Variants in FUT8 observed in about 807,000 individuals in gnomAD.
FUT8 encodes fucosyltransferase 8.
FUT8 carries 29 observed loss-of-function variants against 71.3 expected under a neutral mutation model. That is an observed-to-expected ratio of 0.41 (90% CI 0.30 to 0.55). The LOEUF is 0.55. Ranked by LOEUF, FUT8 falls within the 20% of genes least tolerant of loss-of-function variation. The probability of loss-of-function intolerance (pLI) is 0.34; values close to 1 mark genes in which losing one functional copy is unlikely to be tolerated. For missense variants in FUT8, 544 were observed against 702.1 expected (o/e 0.77, Z 2.55); for synonymous variants, 254 against 239.3 (o/e 1.06, Z -0.57).
At chr14:65,468,440 T>C (rs1252849167) in intron 2 of FUT8, 3 of 366,676 alleles carry the variant, frequency 8.2e-6, no homozygotes, top group Non-Finnish European at 1.0e-5. Flanking sequence ...CTCTTTTTGC[T>C]TGCATGGTTT....
chr14:65,630,257 T>A (rs550425808), intron 6 of FUT8, among the ~76,000 whole-genome samples: 26 of 152,340 alleles, frequency 1.7e-4, no homozygotes, highest in Middle Eastern at 6.8e-3. Flanking sequence ...TTATTTGTTT[T>A]ATAAATGTTA....
intron 2 of FUT8, among the ~76,000 whole-genome samples, chr14:65,470,276 C>T (rs2066120543): frequency 6.6e-6 from 1 of 152,258 alleles, no homozygotes; most frequent in South Asian, 2.1e-4. Context: ...GGGGGCCTTC[C>T]TGAGCCCCCA....
chr14:65,357,567 C>A, the FUT8 span, among the ~76,000 whole-genome samples: 1 of 152,226 alleles, frequency 6.6e-6, no homozygotes, highest in African/African-American at 2.4e-5. Context: ...ACATCTCCAT[C>A]ATAGGCTTGC....
At chr14:65,682,879 AAGT>A (rs1893101662) in intron 7 of FUT8, among the ~76,000 whole-genome samples, 1 of 152,182 alleles carries the variant, frequency 6.6e-6, no homozygotes, top group Non-Finnish European at 1.5e-5. Context: ...GCTTCAGTGC[AAGT>A]TATTTTTTAA....
At chr14:65,631,462 G>A (rs1446196383) in intron 6 of FUT8, among the ~76,000 whole-genome samples, 2 of 151,804 alleles carry the variant, frequency 1.3e-5, no homozygotes. Flanking sequence ...TTGTGGTTCC[G>A]TATTAGAGAA....
chr14:65,544,739 T>G (rs1884886335), intron 2 of FUT8, among the ~76,000 whole-genome samples: 1 of 152,138 alleles, frequency 6.6e-6, no homozygotes, highest in Non-Finnish European at 1.5e-5. Context: ...TATTGGCTGA[T>G]TTCAGTGAAT....
At chr14:65,469,603 G>T (rs1053651250) in intron 2 of FUT8, among the ~76,000 whole-genome samples, 2 of 152,202 alleles carry the variant, frequency 1.3e-5, no homozygotes, top group African/African-American at 4.8e-5. Context: ...CTGAGTGTTA[G>T]AACAGCTCAG....
chr14:65,742,447 C>T lies in FUT8; in HGVS notation c.*37C>T, dbSNP rs748850158. ...AAGAGATAAACGACCAAACTCAGTT[C>T]GACCAAACTCAGTTCAAACCATTTC... On this transcript the variant is annotated 3_prime_UTR_variant, in exon 11 of 11. Transcript: ENST00000673929. 2.4e-5 allele frequency: 37 copies of T among 1,567,020 alleles called. No homozygotes were observed. Among genetic ancestry groups the T allele is most frequent in the Admixed American group, 1.4e-4 (8 of 55,884 alleles).
At chr14:65,565,874 C>A (rs1425188463) in intron 3 of FUT8, among the ~76,000 whole-genome samples, 1 of 151,416 alleles carries the variant, frequency 6.6e-6, no homozygotes, top group African/African-American at 2.4e-5. Context: ...AAACTGTTTT[C>A]TTTTAATAAG....
At chr14:65,611,193 ACACACGCGCG>A (rs1207280754) in intron 3 of FUT8, among the ~76,000 whole-genome samples, 7 of 3,424 alleles carry the variant, frequency 2.0e-3, no homozygotes, top group African/African-American at 4.2e-3. Flanking sequence ...ATACACACAC[ACACACGCGCG>A]CGCGCGCGCG....
chr14:65,512,515 TA>T (rs1187416296), intron 2 of FUT8, among the ~76,000 whole-genome samples: 5 of 152,190 alleles, frequency 3.3e-5, no homozygotes, highest in Admixed American at 1.3e-4. Context: ...CGTTGTTGAT[TA>T]AAACCATCAT....
chr14:65,630,913 G>A (rs1174199629), intron 6 of FUT8, among the ~76,000 whole-genome samples: 1 of 152,160 alleles, frequency 6.6e-6, no homozygotes, highest in Admixed American at 6.5e-5. Context: ...TACTTTCCCT[G>A]TAAAATTAAA....
intron 2 of FUT8, among the ~76,000 whole-genome samples, chr14:65,501,109 G>A (rs1481740998): frequency 6.6e-6 from 1 of 152,164 alleles, no homozygotes; most frequent in African/African-American, 2.4e-5. Context: ...GCTCAGTTAG[G>A]ATCAGGTCAG....
intron 3 of FUT8, among the ~76,000 whole-genome samples, chr14:65,595,764 A>G (rs1566841666): frequency 6.6e-6 from 1 of 151,038 alleles, no homozygotes; most frequent in Non-Finnish European, 1.5e-5. Flanking sequence ...ACCCGCCACC[A>G]CCCCTGGCTA....
chr14:65,362,825 G>C, the FUT8 span, among the ~76,000 whole-genome samples: 1 of 151,948 alleles, frequency 6.6e-6, no homozygotes, highest in South Asian at 2.1e-4. Flanking sequence ...AGCCGGGCGT[G>C]GTGGTGTGTG....
At chr14:65,686,272 G>A (rs956849616) in intron 7 of FUT8, among the ~76,000 whole-genome samples, 1 of 152,172 alleles carries the variant, frequency 6.6e-6, no homozygotes, top group African/African-American at 2.4e-5. Flanking sequence ...TGCCTCTGGT[G>A]CCTGGAATTG....
chr14:65,437,516 C>G (rs568210883), intron 1 of FUT8, among the ~76,000 whole-genome samples: 1 of 152,198 alleles, frequency 6.6e-6, no homozygotes, highest in South Asian at 2.1e-4. Flanking sequence ...CCATGTCATG[C>G]TTGTGTTAAA....
At chr14:65,563,014 C>T (rs946941003) in intron 3 of FUT8, among the ~76,000 whole-genome samples, 4 of 151,858 alleles carry the variant, frequency 2.6e-5, no homozygotes, top group Non-Finnish European at 5.9e-5. Flanking sequence ...TTATTTGGGT[C>T]CTTTTATGTC....
chr14:65,579,988 A>T (rs1886990334), intron 3 of FUT8, among the ~76,000 whole-genome samples: 1 of 151,860 alleles, frequency 6.6e-6, no homozygotes. Context: ...AGTCATTTCA[A>T]GGTATCTCAA....
Sources: gnomAD v4.1 joint callset for allele counts (sites outside exome capture counted in the v4.1 genomes callset) on GRCh38, gnomAD v4.1.1 for gene constraint, MANE v1.5 for transcripts, NCBI Gene and HGNC (gene_info 2026-07-23, HGNC 2026-07-21) for gene names.